The following FGGY variants were observed in gnomAD, a reference collection of about 807,000 sequenced individuals.
FGGY encodes FGGY carbohydrate kinase domain-containing protein.
In FGGY, 72 loss-of-function variants were observed where a neutral mutation model predicts 71.3. That is an observed-to-expected ratio of 1.01 (90% CI 0.84 to 1.23). The LOEUF (loss-of-function observed/expected upper bound fraction) is 1.23. Ranked by LOEUF, FGGY falls within the 50% of genes most tolerant of loss-of-function variation. The pLI, the probability that FGGY is intolerant of heterozygous loss-of-function variation, is 0.00. For synonymous variants in FGGY, 251 were observed against 250.3 expected (o/e 1.00, Z -0.02); for missense variants, 668 against 682.3 (o/e 0.98, Z 0.23).
intron 4 of FGGY, among the ~76,000 whole-genome samples, chr1:59,348,409 C>G (rs536367317): frequency 6.6e-6 from 1 of 152,174 alleles, no homozygotes; most frequent in African/African-American, 2.4e-5. Flanking sequence ...TTGCAGGTGG[C>G]TCCCATTTCC....
At chr1:59,380,671 C>A (rs1205744308) in intron 5 of FGGY, among the ~76,000 whole-genome samples, 3 of 151,510 alleles carry the variant, frequency 2.0e-5, no homozygotes, top group Non-Finnish European at 4.4e-5. Context: ...TGTTTGAGTT[C>A]TTTGTAGATT....
chr1:59,670,408 A>G (rs949267665), intron 13 of FGGY, among the ~76,000 whole-genome samples: 3 of 152,358 alleles, frequency 2.0e-5, no homozygotes, highest in Non-Finnish European at 4.4e-5. Flanking sequence ...ATTCTCAGAA[A>G]TGCATGTGAA....
intron 11 of FGGY, among the ~76,000 whole-genome samples, chr1:59,638,674 T>C (rs1572458957): frequency 6.6e-6 from 1 of 152,202 alleles, no homozygotes; most frequent in African/African-American, 2.4e-5. Context: ...TATATCAGTT[T>C]GTAAAGTCAA....
At chr1:59,483,416 C>T (rs1389751705) in intron 6 of FGGY, among the ~76,000 whole-genome samples, 1 of 152,136 alleles carries the variant, frequency 6.6e-6, no homozygotes, top group Non-Finnish European at 1.5e-5. Flanking sequence ...ATGGAGAAAA[C>T]AGATGATTAA....
At chr1:59,525,394 G>A (rs1450856057) in intron 7 of FGGY, among the ~76,000 whole-genome samples, 1 of 152,202 alleles carries the variant, frequency 6.6e-6, no homozygotes, top group Admixed American at 6.5e-5. Context: ...CAGCCACAGA[G>A]GTTTCCGGCT....
chr1:59,576,423 A>G (rs2096075917), intron 8 of FGGY, among the ~76,000 whole-genome samples: 1 of 152,114 alleles, frequency 6.6e-6, no homozygotes, highest in Non-Finnish European at 1.5e-5. Flanking sequence ...AGGGGAAGGG[A>G]GAGCATTAGG....
At chr1:59,443,942 A>G (rs10889136) in intron 5 of FGGY, among the ~76,000 whole-genome samples, 51,517 of 152,088 alleles carry the variant, frequency 0.34, 9,729 homozygotes, top group Middle Eastern at 0.49. Context: ...AGAGTGGTCC[A>G]ATAATGAGTC....
intron 5 of FGGY, among the ~76,000 whole-genome samples, chr1:59,408,622 T>G (rs1438270877): frequency 3.3e-5 from 5 of 152,224 alleles, no homozygotes; most frequent in Admixed American, 3.3e-4. Flanking sequence ...GTATAACTCT[T>G]TAAGAAATGT....
At chr1:59,654,187 G>A (rs2097196926) in intron 11 of FGGY, among the ~76,000 whole-genome samples, 1 of 152,218 alleles carries the variant, frequency 6.6e-6, no homozygotes, top group South Asian at 2.1e-4. Context: ...CTAGATTCCA[G>A]ACACTTACTG....
chr1:59,665,331 CACT>C (rs1164340107), intron 12 of FGGY, among the ~76,000 whole-genome samples: 4 of 152,122 alleles, frequency 2.6e-5, no homozygotes, highest in Non-Finnish European at 5.9e-5. Context: ...TTTTTAAACA[CACT>C]ACATCTGTAG....
chr1:59,392,245 G>A lies in FGGY; in HGVS notation c.554+13408G>A, dbSNP rs188810113. On this transcript the variant is annotated intron_variant, in intron 5 of 15. Transcript: ENST00000303721. The stretch of plus-strand genomic sequence containing the variant: ...ATATGTTATACTTATGTGATTCTTG[G>A]TAGTCTCAAGAACCTTGGTAGAGGT... 1.2e-4 allele frequency among the ~76,000 whole-genome samples: 19 copies of A among 152,240 alleles called. No homozygotes were observed. In the East Asian group the frequency reaches 3.7e-3, roughly 29 times the overall value.
chr1:59,653,272 G>T (rs940671275), intron 11 of FGGY, among the ~76,000 whole-genome samples: 4 of 152,220 alleles, frequency 2.6e-5, no homozygotes, highest in Admixed American at 2.6e-4. Context: ...GAGCTGTGGT[G>T]GACTCCACCC....
intron 2 of FGGY, chr1:59,332,143 T>C (rs1363466089): frequency 6.6e-6 from 1 of 152,172 alleles, no homozygotes; most frequent in Non-Finnish European, 1.5e-5. Flanking sequence ...ATTGAACCAT[T>C]TCCCACAATA....
At chr1:59,371,822 G>A (rs1269415690) in intron 4 of FGGY, among the ~76,000 whole-genome samples, 6 of 152,084 alleles carry the variant, frequency 3.9e-5, no homozygotes, top group African/African-American at 4.8e-5. Flanking sequence ...GGTACATAAC[G>A]AAATGAAGGC....
Position 59,720,755 on chromosome 1 carries a change from T to TA in FGGY, c.1513-37169dup, listed in dbSNP as rs540145159. ...GAGGTATATTATGAAGGATGACTTT[T>TA]AAAAAAAGGCTGGAATACCTAGAAT... On this transcript the variant is annotated intron_variant, in intron 14 of 15. Transcript: ENST00000303721. Among the ~76,000 whole-genome samples, 232 of 152,246 alleles carry TA rather than the reference T, an allele frequency of 1.5e-3. 1 individual carries two copies. The highest frequency in any genetic ancestry group is 5.5e-3 in the African/African-American group (227 of 41,566).
At chr1:59,703,571 C>T (rs2097727833) in intron 14 of FGGY, among the ~76,000 whole-genome samples, 1 of 152,118 alleles carries the variant, frequency 6.6e-6, no homozygotes, top group East Asian at 1.9e-4. Flanking sequence ...AAAGAAGCAG[C>T]AGTGCATGAT....
At chr1:59,516,934 C>G (rs2094671060) in intron 7 of FGGY, among the ~76,000 whole-genome samples, 1 of 152,198 alleles carries the variant, frequency 6.6e-6, no homozygotes, top group Non-Finnish European at 1.5e-5. Flanking sequence ...AAGAAGCAAG[C>G]AAAACTCAAC....
chr1:59,734,833 G>A (rs575686533), intron 14 of FGGY, among the ~76,000 whole-genome samples: 37 of 152,278 alleles, frequency 2.4e-4, no homozygotes, highest in African/African-American at 7.5e-4. Flanking sequence ...TCTTCCTCCT[G>A]CTTCTGAGCA....
At chr1:59,521,670 C>A (rs1363911910) in intron 7 of FGGY, among the ~76,000 whole-genome samples, 1 of 152,158 alleles carries the variant, frequency 6.6e-6, no homozygotes. Flanking sequence ...GAGGCCCAGA[C>A]AATGGTGAAT....
Sources: gnomAD v4.1 joint callset for allele counts (sites outside exome capture counted in the v4.1 genomes callset) on GRCh38, gnomAD v4.1.1 for gene constraint, MANE v1.5 for transcripts, NCBI Gene and HGNC (gene_info 2026-07-23, HGNC 2026-07-21) for gene names.